The following PPP1R42 variants were observed in gnomAD, a reference collection of about 807,000 sequenced individuals.
PPP1R42 encodes the protein protein phosphatase 1 regulatory subunit 42.
A neutral mutation model predicts 31.0 loss-of-function variants in PPP1R42; 34 were observed. That is an observed-to-expected ratio of 1.10 (90% CI 0.83 to 1.46). PPP1R42 has a LOEUF of 1.46. Among genes scored for constraint, PPP1R42 ranks in the 40% most tolerant of loss-of-function variants. PPP1R42 has a pLI of 0.00. For missense variants in PPP1R42, 268 were observed against 303.0 expected (o/e 0.88, Z 0.86); for synonymous variants, 103 against 109.8 (o/e 0.94, Z 0.39).
rs184606023 is a variant in PPP1R42 at position 66,999,357 on chromosome 8, A to G, written c.553-10840T>C. Among the ~76,000 whole-genome samples the G allele has an allele frequency of 4.4e-3, 676 of 152,328 alleles. 9 individuals are homozygous for G. Among genetic ancestry groups the G allele is most frequent in the African/African-American group, 0.015 (641 of 41,570 alleles). ...TGCCTCAGCCTCCCAAGTAGCTGGAATGACAGGCATGTGCCACCACACCCA... is the reference window on the plus strand; with the variant it reads ...TGCCTCAGCCTCCCAAGTAGCTGGAGTGACAGGCATGTGCCACCACACCCA... On this transcript the variant is annotated intron_variant, in intron 5 of 7. Transcript: ENST00000685739.
chr8:67,009,920 T>A (rs1338517059), intron 5 of PPP1R42, among the ~76,000 whole-genome samples: 4 of 152,208 alleles, frequency 2.6e-5, no homozygotes, highest in African/African-American at 9.6e-5. Context: ...AGAAAGAAGC[T>A]CATTCTCCTT....
In PPP1R42 at chr8:67,003,946, C is replaced by T. The variant is rs574826393; in HGVS notation, c.552+6769G>A. 5.9e-5 allele frequency among the ~76,000 whole-genome samples: 9 copies of T among 152,154 alleles called. No homozygotes were observed. The East Asian group carries it at 9.7e-4, about 16-fold the overall frequency. ...TCTACTAAAAGTACAAAAAATTAGC[C>T]GGGCGTGGTGGCGGGCGCCTGTAGT... On this transcript the variant is annotated intron_variant, in intron 5 of 7. Coordinates refer to ENST00000685739, the MANE Select transcript of PPP1R42 (RefSeq NM_001364910.1).
chr8:67,005,856 A>T (rs548173198), intron 5 of PPP1R42, among the ~76,000 whole-genome samples: 340 of 151,696 alleles, frequency 2.2e-3, no homozygotes, highest in African/African-American at 7.8e-3. Flanking sequence ...TTTTTTTTTA[A>T]AAATCCTTCA....
intron 5 of PPP1R42, among the ~76,000 whole-genome samples, chr8:67,009,068 C>G (rs372645413): frequency 3.9e-5 from 6 of 152,044 alleles, no homozygotes; most frequent in Middle Eastern, 6.8e-3. Flanking sequence ...CTCAGGAGTT[C>G]GAGACCAGCC....
chr8:66,980,868 A>G (rs1814809686), intron 7 of PPP1R42, among the ~76,000 whole-genome samples: 1 of 150,308 alleles, frequency 6.7e-6, no homozygotes, highest in South Asian at 2.1e-4. Flanking sequence ...TTTAAGACGG[A>G]GTCTTGTTCT....
chr8:66,982,158 A>C lies in PPP1R42; in HGVS notation c.693T>G (p.Ile231Met). The C allele has an allele frequency of 2.1e-6, 3 of 1,449,386 alleles. No homozygotes were observed. In the East Asian group the frequency reaches 7.8e-5, roughly 38 times the overall value. The allele number at this position is 1,449,386 out of a possible 1,614,324, so 89.8% of individuals were successfully genotyped here. ...TTAGGAATTGTCTTTCTATATTTTT[A>C]ATTTCTTTTCCATCAAGAAATTCTG... ...KSLEFLDGKE[I>M]KNIERQFLMN... Residue 231 changes from isoleucine to methionine, a missense_variant, in exon 7 of 8, where the codon ATT becomes ATG. Transcript: ENST00000685739.
chr8:67,022,061 C>T (rs1232739880), intron 1 of PPP1R42, among the ~76,000 whole-genome samples: 1 of 152,068 alleles, frequency 6.6e-6, no homozygotes, highest in Non-Finnish European at 1.5e-5. Context: ...GTGGCCACTT[C>T]TGGGTTGGAC....
intron 7 of PPP1R42, among the ~76,000 whole-genome samples, chr8:66,969,814 A>G (rs1207431567): frequency 6.6e-6 from 1 of 152,246 alleles, no homozygotes; most frequent in South Asian, 2.1e-4. Context: ...GAAATATGCT[A>G]TTATTGGCCT....
At chr8:67,000,310 G>A (rs1815445873) in intron 5 of PPP1R42, among the ~76,000 whole-genome samples, 1 of 151,308 alleles carries the variant, frequency 6.6e-6, no homozygotes, top group Admixed American at 6.6e-5. Context: ...TCTACTATAA[G>A]CATTCAAAGC....
At chr8:66,978,673 T>G (rs573160939) in intron 7 of PPP1R42, among the ~76,000 whole-genome samples, 2 of 152,244 alleles carry the variant, frequency 1.3e-5, no homozygotes, top group African/African-American at 4.8e-5. Context: ...CCACCTCAGC[T>G]TCCCAAAATG....
chr8:67,020,288 C>T (rs776776584), intron 1 of PPP1R42, among the ~76,000 whole-genome samples: 9 of 152,022 alleles, frequency 5.9e-5, no homozygotes, highest in Non-Finnish European at 8.8e-5. Flanking sequence ...CTGCAACCTC[C>T]GCCTCCTGGG....
intron 5 of PPP1R42, among the ~76,000 whole-genome samples, chr8:66,992,892 C>T (rs1044563227): frequency 1.3e-5 from 2 of 152,200 alleles, no homozygotes; most frequent in African/African-American, 2.4e-5. Context: ...CGACTATAGG[C>T]AATCTTGTCG....
At chr8:67,004,152 T>A (rs1236970640) in intron 5 of PPP1R42, among the ~76,000 whole-genome samples, 1 of 151,858 alleles carries the variant, frequency 6.6e-6, no homozygotes, top group Non-Finnish European at 1.5e-5. Context: ...AGAGCCTTCA[T>A]GAATGGATTA....
intron 5 of PPP1R42, among the ~76,000 whole-genome samples, chr8:67,002,055 A>C (rs144974776): frequency 6.6e-6 from 1 of 152,298 alleles, no homozygotes; most frequent in African/African-American, 2.4e-5. Flanking sequence ...CTAAGTTGAC[A>C]AGGGTGTTTT....
chr8:67,025,987 A>C (rs1585695457), intron 1 of PPP1R42, among the ~76,000 whole-genome samples: 1 of 148,964 alleles, frequency 6.7e-6, no homozygotes, highest in Admixed American at 6.7e-5. Context: ...CCTGGGCGAT[A>C]GAGTGAGACT....
At chr8:66,998,877 G>A (rs896930557) in intron 5 of PPP1R42, among the ~76,000 whole-genome samples, 1 of 152,028 alleles carries the variant, frequency 6.6e-6, no homozygotes, top group Non-Finnish European at 1.5e-5. Context: ...TTGCATTCCT[G>A]AGATAAGCCT....
At chr8:66,981,889 G>A in intron 7 of PPP1R42, 160 bp downstream of exon 7, 2 of 650,570 alleles carry the variant, frequency 3.1e-6, no homozygotes, top group Non-Finnish European at 4.4e-6. Context: ...AAGACAAATT[G>A]TACTTATGTA....
At chr8:66,985,512 G>A in intron 6 of PPP1R42, 1 of 1,192,254 alleles carries the variant, frequency 8.4e-7, no homozygotes, top group Middle Eastern at 2.0e-4. Flanking sequence ...GGGAAGCAAT[G>A]CCCATGTCAT....
chr8:66,971,133 G>C (rs1050366204), intron 7 of PPP1R42: 1 of 1,507,346 alleles, frequency 6.6e-7, no homozygotes, highest in Non-Finnish European at 8.8e-7. Context: ...GCATTGTTTT[G>C]AAGTTACCTG....
Sources: allele counts gnomAD v4.1 joint callset (sites outside exome capture counted in the v4.1 genomes callset), GRCh38; gene constraint gnomAD v4.1.1; transcripts MANE v1.5; gene names NCBI Gene and HGNC (gene_info 2026-07-23, HGNC 2026-07-21).